DAB1: variants seen among roughly 807,000 people sequenced by gnomAD.
DAB1 encodes disabled homolog 1.
A neutral mutation model predicts 64.6 loss-of-function variants in DAB1; 15 were observed. The ratio of observed to expected loss-of-function variants is 0.23; its 90% CI spans 0.16 to 0.36. DAB1 has a LOEUF of 0.36. Among genes scored for constraint, DAB1 ranks in the 10% least tolerant of loss-of-function variants. The pLI is 1.00. For synonymous variants in DAB1, 235 were observed against 251.9 expected (o/e 0.93, Z 0.64); for missense variants, 596 against 706.7 (o/e 0.84, Z 1.78).
rs974964224 is a variant in DAB1, at chr1:57,260,088, C to T, written c.67+30876G>A. Among the ~76,000 whole-genome samples the T allele has an allele frequency of 2.0e-5, 3 of 152,280 alleles. No individual in the cohort carries two copies. The South Asian group carries it at 6.2e-4, about 32-fold the overall frequency. Reference sequence around the variant, plus strand: ...CATAGAGAACTCGGCCAAGAAGGAGCCTCACCAGCCTGCCCCGCTAGTGTA... The same window carrying T: ...CATAGAGAACTCGGCCAAGAAGGAGTCTCACCAGCCTGCCCCGCTAGTGTA... On this transcript the variant is annotated intron_variant, in intron 2 of 14. Transcript: ENST00000371236.
intron 5 of DAB1, among the ~76,000 whole-genome samples, chr1:57,899,808 T>TA (rs1644447001): frequency 6.6e-6 from 1 of 152,038 alleles, no homozygotes; most frequent in Non-Finnish European, 1.5e-5. Flanking sequence ...GGACTAGAGG[T>TA]ACGTTTACCT....
At position 57,246,516 on chromosome 1, in the gene DAB1, C is replaced by T. The variant is rs575900715; in HGVS notation, c.67+44448G>A. Among the ~76,000 whole-genome samples, 22 of 152,310 alleles carry T rather than the reference C, an allele frequency of 1.4e-4. 1 individual carries two copies. The highest frequency in any genetic ancestry group is 5.1e-4 in the African/African-American group (21 of 41,578). ...TCCAGGTAGAAGTCTGCTACAGGGA[C>T]GGAGATCTCATGAAGAACCTAGTGC... On this transcript the variant is annotated intron_variant, in intron 2 of 14. Transcript: ENST00000371236.
chr1:58,090,077 T>C (rs540390544), intron 5 of DAB1, among the ~76,000 whole-genome samples: 2 of 152,318 alleles, frequency 1.3e-5, no homozygotes, highest in African/African-American at 4.8e-5. Context: ...ATCTGCAGTT[T>C]GAACAATATT....
chr1:58,256,830 G>C (rs1174310951), intron 4 of DAB1, among the ~76,000 whole-genome samples: 4 of 152,138 alleles, frequency 2.6e-5, no homozygotes, highest in African/African-American at 9.7e-5. Context: ...ACCCATACAG[G>C]ATTTCTGATT....
chr1:57,028,521 G>A (rs1051223095), intron 9 of DAB1, among the ~76,000 whole-genome samples: 3 of 152,192 alleles, frequency 2.0e-5, no homozygotes, highest in Non-Finnish European at 4.4e-5. Flanking sequence ...GTAACAGGCA[G>A]AGGTTGAAAC....
At chr1:58,082,423 TAAAA>T (rs59730337) in intron 5 of DAB1, among the ~76,000 whole-genome samples, 1 of 88,456 alleles carries the variant, frequency 1.1e-5, no homozygotes, top group Non-Finnish European at 2.2e-5. Flanking sequence ...AAAACTTAAA[TAAAA>T]AAAAAAAGAC....
At chr1:58,176,752 G>C (rs1437073637) in intron 4 of DAB1, among the ~76,000 whole-genome samples, 1 of 152,162 alleles carries the variant, frequency 6.6e-6, no homozygotes, top group African/African-American at 2.4e-5. Flanking sequence ...GGCCGAGGCA[G>C]GCAGATCACA....
intron 4 of DAB1, among the ~76,000 whole-genome samples, chr1:58,296,965 A>G (rs1662009546): frequency 6.6e-6 from 1 of 152,220 alleles, no homozygotes; most frequent in African/African-American, 2.4e-5. Context: ...TGCCTGACAT[A>G]TAGCAATATT....
At chr1:58,100,163 G>A (rs1272495226) in intron 5 of DAB1, among the ~76,000 whole-genome samples, 1 of 152,074 alleles carries the variant, frequency 6.6e-6, no homozygotes, top group Non-Finnish European at 1.5e-5. Context: ...TCACAATGTT[G>A]AAAACCTTTC....
intron 5 of DAB1, among the ~76,000 whole-genome samples, chr1:58,050,593 A>C (rs1391892596): frequency 6.6e-6 from 1 of 152,032 alleles, no homozygotes; most frequent in Non-Finnish European, 1.5e-5. Context: ...GCAGTGGCGC[A>C]ATCTCGGCTC....
chr1:57,600,864 G>C (rs1570663153), intron 7 of DAB1, among the ~76,000 whole-genome samples: 1 of 152,102 alleles, frequency 6.6e-6, no homozygotes, highest in East Asian at 1.9e-4. Context: ...CACCTTCAGA[G>C]CGCCAAGGTG....
chr1:57,844,647 G>C (rs1653197644), intron 1 of DAB1, among the ~76,000 whole-genome samples: 5 of 152,168 alleles, frequency 3.3e-5, no homozygotes. Context: ...CCTGCTCTAA[G>C]TTCTACGGAC....
At chr1:57,882,415 G>A (rs1056124551) in intron 1 of DAB1, among the ~76,000 whole-genome samples, 7 of 152,128 alleles carry the variant, frequency 4.6e-5, no homozygotes, top group African/African-American at 1.2e-4. Flanking sequence ...AGCCTCCTAC[G>A]TGCTTGCTCA....
At chr1:57,901,344 G>T (rs1644471091) in intron 5 of DAB1, among the ~76,000 whole-genome samples, 2 of 152,134 alleles carry the variant, frequency 1.3e-5, no homozygotes, top group South Asian at 2.1e-4. Flanking sequence ...AAATCAATGT[G>T]TTCATTAGCG....
intron 5 of DAB1, among the ~76,000 whole-genome samples, chr1:57,891,899 C>CG (rs1189902883): frequency 6.6e-6 from 1 of 152,080 alleles, no homozygotes; most frequent in Non-Finnish European, 1.5e-5. Flanking sequence ...ATGTAGACGA[C>CG]GGGTTGATGG....
In DAB1 at chr1:57,178,300, C is replaced by CAA. The variant is rs58705693; in HGVS notation, c.68-32873_68-32872dup. On this transcript the variant is annotated intron_variant, in intron 2 of 14. Coordinates refer to ENST00000371236, the MANE Select transcript of DAB1 (RefSeq NM_001365792.1). ...AAGCTTATGTACACCAAGATATATG[C>CAA]AAAAAAAAAAAAAATGGTCATAGCA... Among the ~76,000 whole-genome samples the CAA allele has an allele frequency of 7.3e-5, 9 of 123,630 alleles. No individual in the cohort carries two copies. In the South Asian group the frequency reaches 1.3e-3, roughly 17 times the overall value. 81.1% of individuals were successfully genotyped at this position (123,630 alleles called of 152,430 possible).
chr1:58,336,898 C>CTTAATT (rs1663130406), intron 4 of DAB1, among the ~76,000 whole-genome samples: 1 of 152,028 alleles, frequency 6.6e-6, no homozygotes, highest in Non-Finnish European at 1.5e-5. Context: ...AGATCTGGGC[C>CTTAATT]CAACACTTTA....
intron 3 of DAB1, among the ~76,000 whole-genome samples, chr1:58,478,602 T>C (rs985493940): frequency 3.9e-5 from 6 of 152,180 alleles, no homozygotes; most frequent in African/African-American, 1.4e-4. Context: ...CAGAGTATGA[T>C]TGTTTCTCCT....
At chr1:58,328,971 CT>C (rs1662910732) in intron 4 of DAB1, among the ~76,000 whole-genome samples, 1 of 152,188 alleles carries the variant, frequency 6.6e-6, no homozygotes, top group African/African-American at 2.4e-5. Flanking sequence ...ATAACCACTC[CT>C]CCTTTGTGTA....
Sources: gnomAD v4.1 joint callset for allele counts (sites outside exome capture counted in the v4.1 genomes callset) on GRCh38, gnomAD v4.1.1 for gene constraint, MANE v1.5 for transcripts, NCBI Gene and HGNC (gene_info 2026-07-23, HGNC 2026-07-21) for gene names.